The following CDKAL1 variants were observed in gnomAD, a reference collection of about 807,000 sequenced individuals.
The protein encoded by CDKAL1 is threonylcarbamoyladenosine tRNA methylthiotransferase.
In CDKAL1, 32 loss-of-function variants were observed where a neutral mutation model predicts 68.2. That is an observed-to-expected ratio of 0.47 (90% CI 0.35 to 0.63). The LOEUF is 0.63. Among genes scored for constraint, CDKAL1 ranks in the 30% least tolerant of loss-of-function variants. CDKAL1 has a pLI of 0.00. For synonymous variants in CDKAL1, 234 were observed against 244.3 expected, an observed-to-expected ratio of 0.96 and a Z score of 0.39; for missense variants, 606 against 696.7, an observed-to-expected ratio of 0.87 and a Z score of 1.47.
At chr6:21,205,179 A>C (rs527851525) in intron 15 of CDKAL1, among the ~76,000 whole-genome samples, 2 of 152,336 alleles carry the variant, frequency 1.3e-5, no homozygotes, top group South Asian at 4.1e-4. Flanking sequence ...TGGATGCCAC[A>C]TTTCATTAAT....
At chr6:20,563,455 T>C (rs1346207106) in intron 4 of CDKAL1, among the ~76,000 whole-genome samples, 3 of 152,202 alleles carry the variant, frequency 2.0e-5, no homozygotes, top group Non-Finnish European at 4.4e-5. Flanking sequence ...CTTTTTATAT[T>C]GTGGTGTAAA....
At chr6:21,112,936 T>C (rs1282162385) in intron 13 of CDKAL1, among the ~76,000 whole-genome samples, 1 of 152,154 alleles carries the variant, frequency 6.6e-6, no homozygotes, top group East Asian at 1.9e-4. Flanking sequence ...TTAAAACAAA[T>C]CAGTTCAAAC....
At chr6:21,122,784 C>G (rs1774791825) in intron 13 of CDKAL1, among the ~76,000 whole-genome samples, 1 of 149,950 alleles carries the variant, frequency 6.7e-6, no homozygotes, top group Non-Finnish European at 1.5e-5. Flanking sequence ...TACAGGCACA[C>G]ACTACCATCC....
intron 13 of CDKAL1, among the ~76,000 whole-genome samples, chr6:21,132,717 C>T (rs1405987754): frequency 6.6e-6 from 1 of 151,948 alleles, no homozygotes; most frequent in African/African-American, 2.4e-5. Flanking sequence ...ATTTATGTAT[C>T]TCATGATTTT....
At chr6:20,811,305 A>C (rs1365682123) in intron 8 of CDKAL1, among the ~76,000 whole-genome samples, 3 of 152,216 alleles carry the variant, frequency 2.0e-5, no homozygotes, top group African/African-American at 7.2e-5. Context: ...CTGACTTAAC[A>C]TTCTGCATTT....
intron 10 of CDKAL1, among the ~76,000 whole-genome samples, chr6:20,997,187 G>A (rs1006826980): frequency 6.6e-6 from 1 of 152,160 alleles, no homozygotes; most frequent in Non-Finnish European, 1.5e-5. Flanking sequence ...ATTCATTATT[G>A]TATTGCCAGG....
chr6:21,043,409 G>A (rs1770044662), intron 11 of CDKAL1, among the ~76,000 whole-genome samples: 1 of 151,732 alleles, frequency 6.6e-6, no homozygotes, highest in Non-Finnish European at 1.5e-5. Flanking sequence ...AACATTTAAG[G>A]TTCTTTCAGA....
rs1195643793 is a variant in CDKAL1, at chr6:21,034,953, TC to T, written c.1056-30094del. On this transcript the variant is annotated intron_variant, in intron 11 of 15. Transcript: ENST00000274695. The stretch of plus-strand genomic sequence containing the variant: ...ATTGTAAACTCAATTACTTTTGAAA[TC>T]TTTTAATCTATAAAGTTTACACTGT... Among the ~76,000 whole-genome samples, 15 of 152,316 alleles carry T rather than the reference TC, an allele frequency of 9.8e-5. No individual in the cohort carries two copies. In the East Asian group the frequency reaches 2.9e-3, roughly 29 times the overall value.
At chr6:20,691,790 C>CT (rs1770880464) in intron 5 of CDKAL1, among the ~76,000 whole-genome samples, 7 of 152,036 alleles carry the variant, frequency 4.6e-5, no homozygotes, top group African/African-American at 7.2e-5. Context: ...TGTACATATC[C>CT]CTAGGCTAGA....
chr6:20,973,821 T>A (rs186790235), intron 10 of CDKAL1, among the ~76,000 whole-genome samples: 5 of 152,080 alleles, frequency 3.3e-5, no homozygotes, highest in African/African-American at 1.2e-4. Context: ...CCCAGGCTAG[T>A]CTCGAACTCC....
At chr6:21,093,542 C>T (rs1773152752) in intron 12 of CDKAL1, among the ~76,000 whole-genome samples, 1 of 152,028 alleles carries the variant, frequency 6.6e-6, no homozygotes, top group Non-Finnish European at 1.5e-5. Context: ...CAGAATGTGC[C>T]AGAAAGGTCC....
intron 9 of CDKAL1, among the ~76,000 whole-genome samples, chr6:20,849,599 AAAC>A (rs1305498954): frequency 5.7e-4 from 86 of 151,834 alleles, no homozygotes; most frequent in Middle Eastern, 3.4e-3. Context: ...AAAAAAAAAA[AAAC>A]ATTATGAAGA....
chr6:20,682,105 C>G (rs568564378), intron 5 of CDKAL1, among the ~76,000 whole-genome samples: 1 of 152,280 alleles, frequency 6.6e-6, no homozygotes, highest in Admixed American at 6.5e-5. Flanking sequence ...CTCAGGAGCT[C>G]CATGTCCTAA....
chr6:21,139,313 C>G (rs1304436046), intron 13 of CDKAL1, among the ~76,000 whole-genome samples: 1 of 152,152 alleles, frequency 6.6e-6, no homozygotes. Context: ...TCACTTGTGA[C>G]CAAGTCATCC....
intron 13 of CDKAL1, among the ~76,000 whole-genome samples, chr6:21,121,861 T>A (rs1774732457): frequency 6.6e-6 from 1 of 152,212 alleles, no homozygotes; most frequent in Non-Finnish European, 1.5e-5. Context: ...ATATGTTTCC[T>A]CTTCTAAAAC....
intron 9 of CDKAL1, among the ~76,000 whole-genome samples, chr6:20,924,629 ACT>A (rs1763103322): frequency 6.6e-6 from 1 of 152,210 alleles, no homozygotes; most frequent in African/African-American, 2.4e-5. Flanking sequence ...CAAAGCCCTA[ACT>A]CTGTTCAATT....
At chr6:20,730,257 G>A (rs1772847901) in intron 5 of CDKAL1, among the ~76,000 whole-genome samples, 1 of 151,458 alleles carries the variant, frequency 6.6e-6, no homozygotes, top group South Asian at 2.1e-4. Context: ...CCTGGGAGGT[G>A]GAGGTTTCAG....
At position 20,711,421 on chromosome 6, in the gene CDKAL1, G is replaced by A. The variant is rs562911674; in HGVS notation, c.372-28098G>A. Among the ~76,000 whole-genome samples the A allele has an allele frequency of 7.2e-4, 110 of 152,244 alleles. 1 individual carries two copies. Among genetic ancestry groups the A allele is most frequent in the African/African-American group, 2.6e-3 (109 of 41,532 alleles). On this transcript the variant is annotated intron_variant, in intron 5 of 15. Transcript: ENST00000274695. ...CCTGTAATATAGTAAAAAGAGTTTT[G>A]GACTTAGAGTCAGAAGACAAATTGG...
In CDKAL1 at chr6:21,201,262, G is replaced by A. The variant is rs9465994; in HGVS notation, c.1536G>A (p.Ser512=). ...ISKPLAKGEV[S]GLTKDFRNGL... Reference sequence around the variant, plus strand: ...AACCGCTAGCAAAGGGAGAAGTCTCGGGTTTGACAAAGGTAAGTAAAAGAT... The same window carrying A: ...AACCGCTAGCAAAGGGAGAAGTCTCAGGTTTGACAAAGGTAAGTAAAAGAT... Residue 512 remains serine (S), a synonymous_variant, in exon 15 of 16, where the codon TCG becomes TCA. Coordinates refer to ENST00000274695, the MANE Select transcript of CDKAL1 (RefSeq NM_017774.3). 0.48 allele frequency: 765,631 copies of A among 1,606,118 alleles called. 187,912 individuals are homozygous for A. Among genetic ancestry groups the A allele is most frequent in the African/African-American group, 0.77 (57,818 of 74,872 alleles).
Sources: allele counts gnomAD v4.1 joint callset (sites outside exome capture counted in the v4.1 genomes callset), GRCh38; gene constraint gnomAD v4.1.1; transcripts MANE v1.5; gene names NCBI Gene and HGNC (gene_info 2026-07-23, HGNC 2026-07-21).